RAPGEF1: variants seen among roughly 807,000 people sequenced by gnomAD.
The protein encoded by RAPGEF1 is CRK SH3-binding GNRP.
RAPGEF1 carries 33 observed loss-of-function variants against 143.3 expected under a neutral mutation model. That is an observed-to-expected ratio of 0.23 (90% CI 0.17 to 0.31). The LOEUF is 0.31. Among genes scored for constraint, RAPGEF1 ranks in the 10% least tolerant of loss-of-function variants. The probability of loss-of-function intolerance (pLI) is 1.00; values close to 1 mark genes in which losing one functional copy is unlikely to be tolerated. For synonymous variants in RAPGEF1, 629 were observed against 676.5 expected, an observed-to-expected ratio of 0.93 and a Z score of 1.09; for missense variants, 1,199 against 1,645.4, an observed-to-expected ratio of 0.73 and a Z score of 4.69.
Position 131,675,055 on chromosome 9 carries a change from C to T in RAPGEF1, c.62-24106G>A, listed in dbSNP as rs906348745. Among the ~76,000 whole-genome samples the T allele has an allele frequency of 1.3e-5, 2 of 152,012 alleles. No individual in the cohort carries two copies. Among genetic ancestry groups the T allele is most frequent in the African/African-American group, 4.8e-5 (2 of 41,376 alleles). On this transcript the variant is annotated intron_variant, in intron 1 of 26. Coordinates refer to ENST00000683357, the MANE Select transcript of RAPGEF1 (RefSeq NM_001377935.1). The surrounding 1 kb of genome is among the most constrained non-coding windows in gnomAD (Gnocchi z 4.6). Reference sequence around the variant, plus strand: ...TGGGAGGGAGGGAGCAGAGAGAAGGCGAGCGTCATAGCCCTTTCCACAGAG... The same window carrying T: ...TGGGAGGGAGGGAGCAGAGAGAAGGTGAGCGTCATAGCCCTTTCCACAGAG...
chr9:131,696,795 T>C (rs1220403400), intron 1 of RAPGEF1, among the ~76,000 whole-genome samples: 5 of 152,378 alleles, frequency 3.3e-5, no homozygotes, highest in East Asian at 3.9e-4. Context: ...CTTGAAAGTA[T>C]GGAGCTATCA....
At chr9:131,603,011 G>A (rs1956521665) in intron 14 of RAPGEF1, among the ~76,000 whole-genome samples, 1 of 152,222 alleles carries the variant, frequency 6.6e-6, no homozygotes, top group Non-Finnish European at 1.5e-5. Context: ...GCTGAGCCGG[G>A]GGGTGCCAGA....
intron 4 of RAPGEF1, among the ~76,000 whole-genome samples, chr9:131,640,164 C>T (rs141295189): frequency 4.2e-4 from 64 of 152,312 alleles, no homozygotes; most frequent in African/African-American, 1.4e-3. Flanking sequence ...GCAGTCTCTC[C>T]GGGGGTTGGA....
intron 17 of RAPGEF1, among the ~76,000 whole-genome samples, chr9:131,594,816 A>G (rs1434549201): frequency 6.6e-6 from 1 of 152,224 alleles, no homozygotes; most frequent in Non-Finnish European, 1.5e-5. Context: ...GGACCCCTCC[A>G]GCCTTGGCCA....
At chr9:131,604,815 G>C (rs1956836008) in intron 13 of RAPGEF1, 116 bp downstream of exon 13, 19 of 1,192,912 alleles carry the variant, frequency 1.6e-5, no homozygotes, top group Non-Finnish European at 1.6e-5. Context: ...CCAACTGCTA[G>C]TAAAGGGGAG....
intron 12 of RAPGEF1, among the ~76,000 whole-genome samples, chr9:131,617,710 T>A (rs1161885214): frequency 6.6e-6 from 1 of 152,332 alleles, no homozygotes; most frequent in South Asian, 2.1e-4. Flanking sequence ...ACATTTCATA[T>A]AATTTTACTT....
At chr9:131,704,360 T>C (rs902168004) in intron 1 of RAPGEF1, among the ~76,000 whole-genome samples, 1 of 151,412 alleles carries the variant, frequency 6.6e-6, no homozygotes, top group Admixed American at 6.6e-5. Flanking sequence ...GAGCAACCAC[T>C]GGCATTCAAA....
chr9:131,705,367 A>T (rs1834972436), intron 1 of RAPGEF1, among the ~76,000 whole-genome samples: 1 of 146,742 alleles, frequency 6.8e-6, no homozygotes. Flanking sequence ...CAGATCAATT[A>T]AAAAAAAAAA....
chr9:131,656,064 C>A (rs904984963), intron 1 of RAPGEF1, among the ~76,000 whole-genome samples: 3 of 152,100 alleles, frequency 2.0e-5, no homozygotes. Flanking sequence ...GTGGATAATA[C>A]AATAAGGTAT....
At chr9:131,580,455 C>T (rs1311341235) in intron 25 of RAPGEF1, 64 bp from the exon 26 acceptor site, 1 of 1,562,460 alleles carries the variant, frequency 6.4e-7, no homozygotes. Context: ...GGGCTAGAGA[C>T]ATGTGTCAGG....
Position 131,628,970 on chromosome 9 carries a change from G to T in RAPGEF1, c.893+132C>A. On this transcript the variant is annotated intron_variant, in intron 7 of 26. Coordinates refer to ENST00000683357, the MANE Select transcript of RAPGEF1 (RefSeq NM_001377935.1). The surrounding 1 kb of genome is among the most constrained non-coding windows in gnomAD (Gnocchi z 5.7). Reference sequence around the variant, plus strand: ...GGCCAGCGAGGGCCGGCGGGGTGGGGACAGCTCCAGAGTCAGCCTCCCAAG... The same window carrying T: ...GGCCAGCGAGGGCCGGCGGGGTGGGTACAGCTCCAGAGTCAGCCTCCCAAG... 4 of 1,255,620 alleles carry T rather than the reference G, an allele frequency of 3.2e-6. No homozygotes were observed. The highest frequency in any genetic ancestry group is 4.3e-6 in the Non-Finnish European group (4 of 930,322). The allele number at this position is 1,255,620 out of a possible 1,614,324, so 77.8% of individuals were successfully genotyped here. A position where few individuals can be genotyped will look rare whatever the true frequency, so the allele number is the denominator to read the frequency against.
chr9:131,728,989 C>A (rs1022826395), intron 1 of RAPGEF1, among the ~76,000 whole-genome samples: 1 of 152,180 alleles, frequency 6.6e-6, no homozygotes, highest in Non-Finnish European at 1.5e-5. Context: ...CAAGATCCCA[C>A]AACAATGACA....
intron 12 of RAPGEF1, among the ~76,000 whole-genome samples, chr9:131,618,524 C>T (rs896615649): frequency 4.6e-5 from 7 of 152,236 alleles, no homozygotes; most frequent in South Asian, 4.1e-4. Context: ...CTGCTCTCCT[C>T]GACCTGGCTT....
chr9:131,623,341 C>A (rs1961843429), intron 10 of RAPGEF1, among the ~76,000 whole-genome samples: 1 of 152,100 alleles, frequency 6.6e-6, no homozygotes, highest in African/African-American at 2.4e-5. Flanking sequence ...GTGGTATGTG[C>A]CTATGGTCCC....
At chr9:131,711,648 A>G (rs916380971) in intron 1 of RAPGEF1, among the ~76,000 whole-genome samples, 4 of 152,224 alleles carry the variant, frequency 2.6e-5, no homozygotes, top group Non-Finnish European at 5.9e-5. Context: ...GTGAGCCACC[A>G]CGCCCAGCCC....
chr9:131,626,516 G>C (rs1588560074), intron 9 of RAPGEF1, 94 bp from the exon 10 acceptor site: 1 of 1,316,166 alleles, frequency 7.6e-7, no homozygotes, highest in South Asian at 1.5e-5. Context: ...GCTCGCTCAT[G>C]GGTGTGTGAC....
intron 12 of RAPGEF1, among the ~76,000 whole-genome samples, chr9:131,614,690 G>C (rs746164932): frequency 2.6e-5 from 4 of 152,256 alleles, no homozygotes; most frequent in Non-Finnish European, 4.4e-5. Flanking sequence ...CTTCTGTTGA[G>C]AGCACATGTG....
intron 1 of RAPGEF1, among the ~76,000 whole-genome samples, chr9:131,735,684 T>C (rs2131361712): frequency 6.6e-6 from 1 of 151,824 alleles, no homozygotes; most frequent in Admixed American, 6.6e-5. Flanking sequence ...AACGCAAATG[T>C]CAAAAGTCCA....
At chr9:131,616,704 C>T (rs1959063691) in intron 12 of RAPGEF1, among the ~76,000 whole-genome samples, 1 of 152,144 alleles carries the variant, frequency 6.6e-6, no homozygotes, top group Non-Finnish European at 1.5e-5. Flanking sequence ...CTTCAGAGTT[C>T]CATGCTGGAC....
Sources: gnomAD v4.1 joint callset for allele counts (sites outside exome capture counted in the v4.1 genomes callset) on GRCh38, gnomAD v4.1.1 for gene constraint, Gnocchi (gnomAD v3.1) non-coding constraint, MANE v1.5 for transcripts, NCBI Gene and HGNC (gene_info 2026-07-23, HGNC 2026-07-21) for gene names.